The following FNIP1 variants were observed in gnomAD, a reference collection of about 807,000 sequenced individuals.
FNIP1 encodes folliculin interacting protein 1.
In FNIP1, 40 loss-of-function variants were observed where a neutral mutation model predicts 124.5. The observed-to-expected ratio is 0.32, with a 90% CI of 0.25 to 0.42. FNIP1 has a LOEUF of 0.42. FNIP1 is among the 10% of genes least tolerant of loss of function. The pLI is 1.00. For synonymous variants in FNIP1, 472 were observed against 470.6 expected (o/e 1.00, Z -0.04); for missense variants, 1,176 against 1,403.7 (o/e 0.84, Z 2.59).
intron 7 of FNIP1, 38 bp from the exon 8 acceptor site, chr5:131,709,310 T>C: frequency 2.6e-6 from 4 of 1,554,004 alleles, no homozygotes; most frequent in Non-Finnish European, 3.6e-6. Context: ...ATAAAATATA[T>C]TGCTATTCAG....
At chr5:131,710,897 T>C (rs1272544028) in intron 6 of FNIP1, among the ~76,000 whole-genome samples, 1 of 152,220 alleles carries the variant, frequency 6.6e-6, no homozygotes, top group Non-Finnish European at 1.5e-5. Flanking sequence ...TAAATCTATA[T>C]GTAATAAAAA....
Position 131,679,021 on chromosome 5 carries a change from A to G in FNIP1, c.1349+8T>C. ...CTAGATATCTAGTTATAATAAATAAATTCATACTGATTTTTGGAAGCATTT... is the reference window on the plus strand; with the variant it reads ...CTAGATATCTAGTTATAATAAATAAGTTCATACTGATTTTTGGAAGCATTT... On this transcript the variant is annotated splice_region_variant and intron_variant, in intron 12 of 17. Transcript: ENST00000510461. 6.3e-7 allele frequency: 1 copy of G among 1,589,692 alleles called. No individual in the cohort carries two copies. Among genetic ancestry groups the G allele is most frequent in the Non-Finnish European group, 8.6e-7 (1 of 1,165,114 alleles).
At chr5:131,677,417 C>G (rs1767942590) in intron 13 of FNIP1, among the ~76,000 whole-genome samples, 1 of 152,200 alleles carries the variant, frequency 6.6e-6, no homozygotes, top group South Asian at 2.1e-4. Flanking sequence ...AAGTACCTAA[C>G]ACAAAGTACA....
At chr5:131,781,449 AC>A (rs1485889920) in intron 1 of FNIP1, among the ~76,000 whole-genome samples, 1 of 152,080 alleles carries the variant, frequency 6.6e-6, no homozygotes, top group Non-Finnish European at 1.5e-5. Context: ...GGACAGGCTG[AC>A]TCTCCTGTTA....
intron 11 of FNIP1, among the ~76,000 whole-genome samples, chr5:131,695,897 G>T (rs1305948166): frequency 6.6e-6 from 1 of 152,028 alleles, no homozygotes; most frequent in Non-Finnish European, 1.5e-5. Context: ...GCTTAATATG[G>T]GCTTCTTTTT....
rs1386588123 is a variant in FNIP1 at position 131,647,150 on chromosome 5, A to G, written c.3362T>C (p.Leu1121Pro). ...LQELYFKSKM[L>P]SEYLRGQMRV... is the part of the protein sequence containing the mutation. ...CATCTGCCCCCTCAGGTATTCAGAC[A>G]GCATTTTACTTTTGAAGTATAGCTC... The change falls in exon 17 of 18, where the codon CTG becomes CCG. Residue 1121 changes from leucine to proline, a missense_variant. This residue lies in a region of FNIP1 where 67 missense variants were observed against 115.2 expected (regional missense o/e 0.58). Coordinates refer to ENST00000510461, the MANE Select transcript of FNIP1 (RefSeq NM_133372.3). 6.2e-7 allele frequency: 1 copy of G among 1,614,184 alleles called. No homozygotes were observed. Among genetic ancestry groups the G allele is most frequent in the Non-Finnish European group, 8.5e-7 (1 of 1,180,008 alleles).
intron 11 of FNIP1, among the ~76,000 whole-genome samples, chr5:131,690,648 T>A (rs549706884): frequency 6.6e-6 from 1 of 152,186 alleles, no homozygotes; most frequent in Non-Finnish European, 1.5e-5. Flanking sequence ...CAATTAAACC[T>A]CTTCCCATTA....
intron 2 of FNIP1, among the ~76,000 whole-genome samples, chr5:131,743,584 T>C (rs1412638142): frequency 6.6e-6 from 1 of 152,050 alleles, no homozygotes; most frequent in African/African-American, 2.4e-5. Context: ...TGTGTGTCTC[T>C]CCTCAAAATT....
intron 15 of FNIP1, among the ~76,000 whole-genome samples, chr5:131,662,871 C>A (rs1273044609): frequency 6.6e-6 from 1 of 151,290 alleles, no homozygotes; most frequent in Non-Finnish European, 1.5e-5. Context: ...TCCTGAGTAG[C>A]TGGGATTACA....
intron 1 of FNIP1, among the ~76,000 whole-genome samples, chr5:131,780,889 T>C (rs530174212): frequency 2.6e-5 from 4 of 152,298 alleles, no homozygotes; most frequent in South Asian, 2.1e-4. Context: ...CATCTCTCAC[T>C]GTAAATCAAA....
chr5:131,752,342 C>T (rs934172044), intron 1 of FNIP1, among the ~76,000 whole-genome samples: 6 of 151,980 alleles, frequency 3.9e-5, no homozygotes, highest in African/African-American at 1.5e-4. Flanking sequence ...CGCGCCCAGC[C>T]ATGAATTTGT....
At chr5:131,727,198 A>G (rs963680447) in intron 3 of FNIP1, among the ~76,000 whole-genome samples, 4 of 152,196 alleles carry the variant, frequency 2.6e-5, no homozygotes, top group East Asian at 1.9e-4. Context: ...AGTCCTGAAC[A>G]TCCTTGTTAA....
intron 1 of FNIP1, among the ~76,000 whole-genome samples, chr5:131,791,458 G>A (rs1338402412): frequency 6.6e-6 from 1 of 152,184 alleles, no homozygotes; most frequent in Non-Finnish European, 1.5e-5. Context: ...TTGAAAAAAA[G>A]GGAATGTAAA....
At chr5:131,658,782 G>A (rs1317423726) in intron 15 of FNIP1, among the ~76,000 whole-genome samples, 2 of 151,594 alleles carry the variant, frequency 1.3e-5, no homozygotes, top group Admixed American at 6.6e-5. Context: ...TATTTGGAAT[G>A]ACTATTAGAA....
At position 131,730,935 on chromosome 5, in the gene FNIP1, G is replaced by A; in HGVS notation, c.323C>T (p.Ser108Phe). The change falls in exon 3 of 18, where the codon TCT becomes TTT. Residue 108 changes from serine to phenylalanine, a missense_variant. Coordinates refer to ENST00000510461, the MANE Select transcript of FNIP1 (RefSeq NM_133372.3). ...CTTAAGACACTGGTCTTTTATATCA[G>A]AAGATGAAGTCACAGAACTATCTAA... The part of the protein sequence containing the change: ...SSLDSSVTSS[S>F]DIKDQCLKYQ... 6.2e-7 allele frequency: 1 copy of A among 1,608,658 alleles called. No individual in the cohort carries two copies.
rs1767951658 is a variant in FNIP1, at chr5:131,677,722, G to A, written c.1500C>T (p.Asn500=). Residue 500 remains asparagine, a synonymous_variant, in exon 13 of 18, where the codon AAC becomes AAT. Coordinates refer to ENST00000510461, the MANE Select transcript of FNIP1 (RefSeq NM_133372.3). ...VDMLAKTHPY[N]PLWAQLGDLY... is the part of the protein sequence containing the mutation. ...ACATACCCAGTTGTGCCCAAAGTGG[G>A]TTATATGGATGAGTCTTTGCCAACA... The A allele has an allele frequency of 6.2e-7, 1 of 1,614,028 alleles. No homozygotes were observed. The highest frequency in any genetic ancestry group is 1.1e-5 in the South Asian group (1 of 91,074).
intron 1 of FNIP1, among the ~76,000 whole-genome samples, chr5:131,794,704 G>A (rs887760971): frequency 1.3e-5 from 2 of 152,324 alleles, no homozygotes; most frequent in East Asian, 3.9e-4. Context: ...AGGCCAAGGT[G>A]AGAGGATCCC....
chr5:131,668,413 C>T (rs1381083247), intron 15 of FNIP1, among the ~76,000 whole-genome samples: 4 of 152,084 alleles, frequency 2.6e-5, no homozygotes, highest in East Asian at 1.9e-4. Flanking sequence ...TGGCCAGGTG[C>T]GGTGGCTCAC....
At chr5:131,706,951 A>C (rs1297432315) in intron 8 of FNIP1, among the ~76,000 whole-genome samples, 2 of 152,238 alleles carry the variant, frequency 1.3e-5, no homozygotes, top group Non-Finnish European at 2.9e-5. Flanking sequence ...TATTGAAAAT[A>C]AGTGTCTGAA....
Sources: allele counts gnomAD v4.1 joint callset (sites outside exome capture counted in the v4.1 genomes callset), GRCh38; gene constraint gnomAD v4.1.1; regional missense constraint gnomAD v4.1.1; transcripts MANE v1.5; gene names NCBI Gene and HGNC (gene_info 2026-07-23, HGNC 2026-07-21).